ABCD2: variants seen among roughly 807,000 people sequenced by gnomAD.
The protein encoded by ABCD2 is ATP binding cassette subfamily D member 2.
In ABCD2, 36 loss-of-function variants were observed where a neutral mutation model predicts 70.9. The observed-to-expected ratio is 0.51, with a 90% CI of 0.39 to 0.67. ABCD2 has a LOEUF of 0.67. Among genes scored for constraint, ABCD2 ranks in the 30% least tolerant of loss-of-function variants. The pLI is 0.00. For synonymous variants in ABCD2, 304 were observed against 306.9 expected (o/e 0.99, Z 0.10); for missense variants, 729 against 890.2 (o/e 0.82, Z 2.30).
chr12:39,606,483 TCTAAC>T (rs1434366716), intron 3 of ABCD2, among the ~76,000 whole-genome samples: 17 of 152,230 alleles, frequency 1.1e-4, no homozygotes, highest in African/African-American at 3.4e-4. Flanking sequence ...TTATCATTTC[TCTAAC>T]CTAGATAGCA....
intron 9 of ABCD2, among the ~76,000 whole-genome samples, chr12:39,568,525 C>T (rs960642912): frequency 1.1e-4 from 16 of 152,074 alleles, no homozygotes; most frequent in African/African-American, 2.2e-4. Context: ...GCTAGCCATT[C>T]GTCTAATTTT....
chr12:39,592,191 C>T (rs138700230), intron 6 of ABCD2, among the ~76,000 whole-genome samples: 1 of 152,258 alleles, frequency 6.6e-6, no homozygotes, highest in East Asian at 1.9e-4. Context: ...AGTCAGAAAG[C>T]AAGGAATAGA....
the ABCD2 span, among the ~76,000 whole-genome samples, chr12:39,534,795 AAAG>A: frequency 1.4e-5 from 2 of 146,824 alleles, no homozygotes; most frequent in Admixed American, 6.8e-5. Flanking sequence ...AGAAAGAAAG[AAAG>A]AAAGAAAGAA....
At chr12:39,617,939 A>T (rs1216282799) in intron 1 of ABCD2, among the ~76,000 whole-genome samples, 1 of 152,054 alleles carries the variant, frequency 6.6e-6, no homozygotes, top group African/African-American at 2.4e-5. Flanking sequence ...TAATTGTTTT[A>T]GGGATCTGCT....
the ABCD2 span, among the ~76,000 whole-genome samples, chr12:39,531,335 G>T: frequency 6.6e-6 from 1 of 152,170 alleles, no homozygotes; most frequent in Non-Finnish European, 1.5e-5. Context: ...TAAAAGATGA[G>T]GGTCTTTCGG....
intron 2 of ABCD2, among the ~76,000 whole-genome samples, chr12:39,613,384 T>A (rs1406237893): frequency 5.9e-5 from 1 of 16,900 alleles, no homozygotes; most frequent in East Asian, 2.2e-3. Flanking sequence ...AGACTCCGTC[T>A]CAAAAAAAAA....
chr12:39,608,265 CTT>C (rs1329828684), intron 2 of ABCD2, among the ~76,000 whole-genome samples: 2 of 152,150 alleles, frequency 1.3e-5, no homozygotes, highest in African/African-American at 4.8e-5. Context: ...TAAAGTTCCT[CTT>C]GTTTTATTAT....
At chr12:39,612,759 C>T (rs925498201) in intron 2 of ABCD2, among the ~76,000 whole-genome samples, 6 of 152,120 alleles carry the variant, frequency 3.9e-5, no homozygotes, top group Non-Finnish European at 5.9e-5. Flanking sequence ...AACATTTCAA[C>T]GATTTGGCAT....
At chr12:39,566,880 T>C (rs1275551811) in intron 9 of ABCD2, among the ~76,000 whole-genome samples, 3 of 152,314 alleles carry the variant, frequency 2.0e-5, no homozygotes, top group East Asian at 3.9e-4. Context: ...GCCTTCATTT[T>C]GTTATGTACC....
chr12:39,576,558 TTA>T (rs1315708446), intron 8 of ABCD2, among the ~76,000 whole-genome samples: 3 of 152,220 alleles, frequency 2.0e-5, no homozygotes, highest in Non-Finnish European at 4.4e-5. Flanking sequence ...AAAATTTAGT[TTA>T]TATTTTTAGC....
rs963203522 is a variant in ABCD2, at chr12:39,578,642, C to A, written c.1877+893G>T. Among the ~76,000 whole-genome samples, 12 of 151,180 alleles carry A rather than the reference C, an allele frequency of 7.9e-5. No individual in the cohort carries two copies. The South Asian group carries it at 1.0e-3, about 13-fold the overall frequency. On this transcript the variant is annotated intron_variant, in intron 8 of 9. Transcript: ENST00000308666. The stretch of plus-strand genomic sequence containing the variant: ...CCTTCCCATGTCTTCTGCTTGATAT[C>A]CTTAAACTCAAAAGGCTATGAAGCT...
chr12:39,579,765 A>G, intron 7 of ABCD2, 146 bp from the exon 8 acceptor site: 2 of 575,690 alleles, frequency 3.5e-6, no homozygotes, highest in South Asian at 2.7e-5. Context: ...GATAAACTAC[A>G]GAGCCTCATG....
intron 6 of ABCD2, among the ~76,000 whole-genome samples, chr12:39,594,901 GA>G (rs1415272010): frequency 2.0e-5 from 3 of 152,134 alleles, no homozygotes; most frequent in African/African-American, 7.2e-5. Flanking sequence ...TTGAGGCCAG[GA>G]GTTCAAGATT....
intron 6 of ABCD2, among the ~76,000 whole-genome samples, chr12:39,597,649 A>T (rs1941835294): frequency 6.6e-6 from 1 of 152,240 alleles, no homozygotes; most frequent in African/African-American, 2.4e-5. Flanking sequence ...AAACTCAAAC[A>T]GCCTAAAATT....
At chr12:39,559,713 TG>T (rs975835172) in intron 9 of ABCD2, among the ~76,000 whole-genome samples, 1 of 152,028 alleles carries the variant, frequency 6.6e-6, no homozygotes, top group African/African-American at 2.4e-5. Context: ...CAGGAGAGAA[TG>T]GAATTACATA....
At chr12:39,557,568 G>A (rs1272714549) in intron 9 of ABCD2, among the ~76,000 whole-genome samples, 1 of 152,168 alleles carries the variant, frequency 6.6e-6, no homozygotes, top group Non-Finnish European at 1.5e-5. Flanking sequence ...AGACAATGGG[G>A]AAAATGTCTC....
intron 2 of ABCD2, 107 bp from the exon 3 acceptor site, chr12:39,607,821 T>C: frequency 2.6e-6 from 2 of 759,202 alleles, no homozygotes; most frequent in South Asian, 1.7e-5. Context: ...CAACCACATA[T>C]TAATTTTTCA....
At chr12:39,602,365 G>C (rs1264207285) in intron 5 of ABCD2, among the ~76,000 whole-genome samples, 2 of 151,812 alleles carry the variant, frequency 1.3e-5, no homozygotes, top group African/African-American at 4.8e-5. Flanking sequence ...TGTTGGCCAG[G>C]CTGGTCTCGA....
intron 3 of ABCD2, 115 bp from the exon 4 acceptor site, chr12:39,605,045 C>T: frequency 6.6e-6 from 5 of 759,818 alleles, no homozygotes; most frequent in Non-Finnish European, 9.7e-6. Flanking sequence ...TTGCATTATA[C>T]ATGAGATATA....
Sources: gnomAD v4.1 joint callset for allele counts (sites outside exome capture counted in the v4.1 genomes callset) on GRCh38, gnomAD v4.1.1 for gene constraint, MANE v1.5 for transcripts, NCBI Gene and HGNC (gene_info 2026-07-23, HGNC 2026-07-21) for gene names.